Variants in ZZZ3 observed in about 807,000 individuals in gnomAD.
The protein encoded by ZZZ3 is ZZ-type zinc finger-containing protein 3.
A neutral mutation model predicts 95.2 loss-of-function variants in ZZZ3; 22 were observed. That is an observed-to-expected ratio of 0.23 (90% CI 0.17 to 0.33). ZZZ3 has a LOEUF of 0.33. Among genes scored for constraint, ZZZ3 ranks in the 10% least tolerant of loss-of-function variants. The probability of loss-of-function intolerance (pLI) is 1.00; values close to 1 mark genes in which losing one functional copy is unlikely to be tolerated. For synonymous variants in ZZZ3, 335 were observed against 358.9 expected (o/e 0.93, Z 0.75); for missense variants, 885 against 1,066.5 (o/e 0.83, Z 2.37).
intron 5 of ZZZ3, among the ~76,000 whole-genome samples, chr1:77,594,867 A>C (rs1664066604): frequency 6.6e-6 from 1 of 151,210 alleles, no homozygotes. Flanking sequence ...TATGGCATTG[A>C]ATTACAAAAC....
intron 1 of ZZZ3, among the ~76,000 whole-genome samples, chr1:77,675,138 G>C (rs1232391052): frequency 6.6e-6 from 1 of 151,934 alleles, no homozygotes; most frequent in Non-Finnish European, 1.5e-5. Flanking sequence ...GTATTACAAA[G>C]TTCTTCAAGG....
chr1:77,563,779 C>T lies in ZZZ3; in HGVS notation c.*1861G>A, dbSNP rs977194417. The T allele has an allele frequency of 6.6e-6, 1 of 152,204 alleles. No homozygotes were observed. Among genetic ancestry groups the T allele is most frequent in the Non-Finnish European group, 1.5e-5 (1 of 68,024 alleles). The allele number at this position is 152,204 out of a possible 1,614,324, so 9.4% of individuals were successfully genotyped here. A position where few individuals can be genotyped will look rare whatever the true frequency, so the allele number is the denominator to read the frequency against. ...CCAGAATGCTAATGATTCCCCTCTTCACCCACTAATAATTCCAGGGTGAGA... is the reference window on the plus strand; with the variant it reads ...CCAGAATGCTAATGATTCCCCTCTTTACCCACTAATAATTCCAGGGTGAGA... On this transcript the variant is annotated 3_prime_UTR_variant, in exon 15 of 15. Transcript: ENST00000370801.
At chr1:77,610,135 A>AT (rs1171381197) in intron 5 of ZZZ3, among the ~76,000 whole-genome samples, 49 of 96,414 alleles carry the variant, frequency 5.1e-4, no homozygotes, top group African/African-American at 1.3e-3. Context: ...AAAATCAGAG[A>AT]TAAAAAAAAA....
chr1:77,629,860 A>G (rs1041161820), intron 5 of ZZZ3, among the ~76,000 whole-genome samples: 2 of 152,232 alleles, frequency 1.3e-5, no homozygotes, highest in African/African-American at 2.4e-5. Context: ...AAAAGCACCA[A>G]TTAAGCTGTA....
chr1:77,606,419 G>C lies in ZZZ3; in HGVS notation c.1506-21764C>G, dbSNP rs575322527. Among the ~76,000 whole-genome samples, 52 of 152,322 alleles carry C rather than the reference G, an allele frequency of 3.4e-4. 4 individuals are homozygous for C. Among genetic ancestry groups the C allele is most frequent in the African/African-American group, 1.3e-3 (52 of 41,574 alleles). On this transcript the variant is annotated intron_variant, in intron 5 of 14. Coordinates refer to ENST00000370801, the MANE Select transcript of ZZZ3 (RefSeq NM_015534.6). Reference sequence around the variant, plus strand: ...TCCCCAGAGTCTCAGGGAACTCACCGCCCTGAAGGGAAGGACACAAGCCTG... The same window carrying C: ...TCCCCAGAGTCTCAGGGAACTCACCCCCCTGAAGGGAAGGACACAAGCCTG...
Position 77,565,490 on chromosome 1 carries a change from A to G in ZZZ3, c.*150T>C. ...GTGATCTAGAGCCACAACGGTGCAG[A>G]GCTGTACTTGACGAGAACACTCAGG... On this transcript the variant is annotated 3_prime_UTR_variant, in exon 15 of 15. Transcript: ENST00000370801. 1 of 742,580 alleles carries G rather than the reference A, an allele frequency of 1.3e-6. No individual in the cohort carries two copies. Among genetic ancestry groups the G allele is most frequent in the Non-Finnish European group, 2.2e-6 (1 of 460,394 alleles). The allele number at this position is 742,580 out of a possible 1,614,324, so 46.0% of individuals were successfully genotyped here. A position where few individuals can be genotyped will look rare whatever the true frequency, so the allele number is the denominator to read the frequency against.
chr1:77,662,934 G>T (rs140629589), intron 1 of ZZZ3, among the ~76,000 whole-genome samples: 1 of 152,030 alleles, frequency 6.6e-6, no homozygotes, highest in Non-Finnish European at 1.5e-5. Context: ...GTGACGCTCC[G>T]TCTCTACAAA....
At chr1:77,572,217 T>C (rs545687987) in intron 12 of ZZZ3, among the ~76,000 whole-genome samples, 10 of 152,356 alleles carry the variant, frequency 6.6e-5, no homozygotes, top group South Asian at 4.1e-4. Flanking sequence ...TTTAAATAAA[T>C]AAACTCAACA....
intron 5 of ZZZ3, among the ~76,000 whole-genome samples, chr1:77,592,255 A>G (rs1663774779): frequency 6.6e-6 from 1 of 152,198 alleles, no homozygotes; most frequent in Non-Finnish European, 1.5e-5. Flanking sequence ...CTAGAGAAAT[A>G]TGTTTTCATC....
At chr1:77,644,692 AG>A (rs1417389063) in intron 1 of ZZZ3, among the ~76,000 whole-genome samples, 2 of 152,192 alleles carry the variant, frequency 1.3e-5, no homozygotes, top group Non-Finnish European at 2.9e-5. Flanking sequence ...ACTACCTCTC[AG>A]GGTTATTGTG....
intron 1 of ZZZ3, among the ~76,000 whole-genome samples, chr1:77,643,988 G>A (rs1570591026): frequency 6.6e-6 from 1 of 151,920 alleles, no homozygotes. Context: ...GATTTTAAAT[G>A]ATTTTATAAG....
At chr1:77,678,023 A>T (rs1366762135) in intron 1 of ZZZ3, among the ~76,000 whole-genome samples, 1 of 152,184 alleles carries the variant, frequency 6.6e-6, no homozygotes, top group Non-Finnish European at 1.5e-5. Flanking sequence ...AGTAAATGAG[A>T]CAGAGGAGGC....
At chr1:77,646,054 A>G (rs1043582664) in intron 1 of ZZZ3, among the ~76,000 whole-genome samples, 15 of 152,028 alleles carry the variant, frequency 9.9e-5, no homozygotes, top group African/African-American at 3.6e-4. Flanking sequence ...GGAGATTCAG[A>G]TGTAAATGAG....
At chr1:77,568,307 A>C (rs368556272) in intron 13 of ZZZ3, 25 bp downstream of exon 13, 1 of 1,408,790 alleles carries the variant, frequency 7.1e-7, no homozygotes, top group African/African-American at 1.5e-5. Flanking sequence ...AAATGAAATG[A>C]ATCCTAAAAT....
chr1:77,661,851 C>T (rs1486227381), intron 1 of ZZZ3, among the ~76,000 whole-genome samples: 1 of 152,122 alleles, frequency 6.6e-6, no homozygotes, highest in Non-Finnish European at 1.5e-5. Flanking sequence ...AGGTCTTGCT[C>T]TGTTGCCCAG....
chr1:77,597,955 T>C lies in ZZZ3; in HGVS notation c.1506-13300A>G, dbSNP rs148021286. On this transcript the variant is annotated intron_variant, in intron 5 of 14. Transcript: ENST00000370801. ...GTAAGATAGTAATAATACAGGAAATTGGGTATAGAGTATACAGTAACCCTG... is the reference window on the plus strand; with the variant it reads ...GTAAGATAGTAATAATACAGGAAATCGGGTATAGAGTATACAGTAACCCTG... Among the ~76,000 whole-genome samples, 77 of 152,268 alleles carry C rather than the reference T, an allele frequency of 5.1e-4. No individual in the cohort carries two copies. In the East Asian group the frequency reaches 0.014, roughly 29 times the overall value.
At chr1:77,675,983 A>G (rs1672231364) in intron 1 of ZZZ3, among the ~76,000 whole-genome samples, 2 of 152,248 alleles carry the variant, frequency 1.3e-5, no homozygotes, top group African/African-American at 2.4e-5. Context: ...CTGTAACCTG[A>G]GTCCTACAGC....
chr1:77,593,054 G>A (rs1443716051), intron 5 of ZZZ3, among the ~76,000 whole-genome samples: 1 of 152,180 alleles, frequency 6.6e-6, no homozygotes, highest in Non-Finnish European at 1.5e-5. Flanking sequence ...TAAAACAGTA[G>A]AAGATCAGAG....
chr1:77,580,025 A>C (rs1456781412), intron 9 of ZZZ3: 1 of 153,262 alleles, frequency 6.5e-6, no homozygotes, highest in Non-Finnish European at 1.5e-5. Flanking sequence ...TTTAACAAAA[A>C]CGTGTAAATT....
Sources: gnomAD v4.1 joint callset for allele counts (sites outside exome capture counted in the v4.1 genomes callset) on GRCh38, gnomAD v4.1.1 for gene constraint, MANE v1.5 for transcripts, NCBI Gene and HGNC (gene_info 2026-07-23, HGNC 2026-07-21) for gene names.